PDCD11: variants seen among roughly 807,000 people sequenced by gnomAD.
The protein encoded by PDCD11 is programmed cell death 11.
In PDCD11, 97 loss-of-function variants were observed where a neutral mutation model predicts 198.9. The ratio of observed to expected loss-of-function variants is 0.49; its 90% CI spans 0.41 to 0.58. The LOEUF is 0.58. Ranked by LOEUF, PDCD11 falls within the 20% of genes least tolerant of loss-of-function variation. The pLI is 0.00. For synonymous variants in PDCD11, 893 were observed against 918.0 expected, an observed-to-expected ratio of 0.97 and a Z score of 0.49; for missense variants, 2,102 against 2,312.7, an observed-to-expected ratio of 0.91 and a Z score of 1.87.
intron 27 of PDCD11, 24 bp downstream of exon 27, chr10:103,438,832 C>T (rs778049631): frequency 6.8e-6 from 11 of 1,612,614 alleles, no homozygotes; most frequent in South Asian, 3.3e-5. Context: ...GCTCTGCACC[C>T]GGACCCAAGT....
chr10:103,439,668 G>C (rs1309736297), intron 27 of PDCD11, 78 bp from the exon 28 acceptor site: 2 of 1,550,258 alleles, frequency 1.3e-6, no homozygotes, highest in Non-Finnish European at 1.8e-6. Flanking sequence ...GAGTCCCTGT[G>C]AGAGTGAAGT....
chr10:103,442,303 C>T lies in PDCD11; in HGVS notation c.4798C>T (p.Arg1600Trp), dbSNP rs746811823. 13 of 1,614,084 alleles carry T rather than the reference C, an allele frequency of 8.1e-6. No individual in the cohort carries two copies. The Admixed American group carries it at 1.0e-4, about 12-fold the overall frequency. ...TGAGGAGGCGCTGATGGATCCTGGGCGGCAGCCAGAGTCCGCGGATGATTT... is the reference window on the plus strand; with the variant it reads ...TGAGGAGGCGCTGATGGATCCTGGGTGGCAGCCAGAGTCCGCGGATGATTT... Reference protein sequence around the residue: ...RIEEALMDPGRQPESADDFDR... With the variant: ...RIEEALMDPGWQPESADDFDR... Residue 1600 changes from arginine to tryptophan, a missense_variant, in exon 32 of 36, where the codon CGG becomes TGG. Coordinates refer to ENST00000369797, the MANE Select transcript of PDCD11 (RefSeq NM_014976.2).
Position 103,409,772 on chromosome 10 carries a change from C to T in PDCD11, c.944C>T (p.Pro315Leu), listed in dbSNP as rs1450428563. The change falls in exon 8 of 36, where the codon CCC (proline) becomes CTC (leucine). Residue 315 changes from proline to leucine, a missense_variant. Physicochemically the swap from Pro to Leu is moderately conservative, Grantham distance 98 (BLOSUM62 -3). Transcript: ENST00000369797. The stretch of plus-strand genomic sequence containing the variant: ...GTGGTTGACTTTATGCACCTGGATC[C>T]CAAGAAAGCTGGAACATATTTCTCA... Reference protein sequence around the residue: ...TGVVDFMHLDPKKAGTYFSNQ... With the variant: ...TGVVDFMHLDLKKAGTYFSNQ... 6.2e-7 allele frequency: 1 copy of T among 1,613,910 alleles called. No homozygotes were observed. Among genetic ancestry groups the T allele is most frequent in the African/African-American group, 1.3e-5 (1 of 75,024 alleles).
chr10:103,416,584 G>T lies in PDCD11; in HGVS notation c.1612G>T (p.Asp538Tyr). ...ACTACCTGTCATTACCTGCTATGCCGATGCCAAGCCTGGTCTGCAGACACA... is the reference window on the plus strand; with the variant it reads ...ACTACCTGTCATTACCTGCTATGCCTATGCCAAGCCTGGTCTGCAGACACA... ...SKLPVITCYA[D>Y]AKPGLQTHGF... is the part of the protein sequence containing the mutation. The change falls in exon 13 of 36, where the codon GAT (aspartate) becomes TAT (tyrosine). Residue 538 changes from aspartate (D) to tyrosine (Y), a missense_variant. Transcript: ENST00000369797. 6.2e-7 allele frequency: 1 copy of T among 1,614,168 alleles called. No individual in the cohort carries two copies. Among genetic ancestry groups the T allele is most frequent in the Non-Finnish European group, 8.5e-7 (1 of 1,180,024 alleles).
intron 24 of PDCD11, 168 bp downstream of exon 24, chr10:103,434,518 C>T (rs1564774727): frequency 3.3e-6 from 2 of 608,648 alleles, no homozygotes; most frequent in East Asian, 5.5e-5. Flanking sequence ...TGCTCTGGCC[C>T]AGTTACTCCA....
rs761022665 is a variant in PDCD11 at position 103,440,549 on chromosome 10, G to A, written c.4408G>A (p.Gly1470Arg). Residue 1470 changes from glycine to arginine, a missense_variant, in exon 29 of 36, where the codon GGG becomes AGG. Gly to Arg is a moderately radical substitution (Grantham distance 125, BLOSUM62 -2). Coordinates refer to ENST00000369797, the MANE Select transcript of PDCD11 (RefSeq NM_014976.2). ...GAAGCCACAGGCGCAGAAGCGGGGC[G>A]GGCGGGAGTGCCGGGAGTCTGGGAG... ...PQKPQAQKRG[G>R]RECRESGSEQ... The A allele has an allele frequency of 2.5e-6, 4 of 1,612,270 alleles. No homozygotes were observed. Among genetic ancestry groups the A allele is most frequent in the South Asian group, 2.2e-5 (2 of 91,018 alleles).
At chr10:103,429,750 T>C (rs1284937058) in intron 21 of PDCD11, among the ~76,000 whole-genome samples, 1 of 152,176 alleles carries the variant, frequency 6.6e-6, no homozygotes, top group Non-Finnish European at 1.5e-5. Flanking sequence ...TCTAGAAGTT[T>C]TTTGTCTTGC....
chr10:103,424,975 C>T lies in PDCD11; in HGVS notation c.2764-9C>T. ...GGAAAGCAGGGATGGTGGCTTTTCT[C>T]TCTTCTAGCTGAGGAAAGGCAGCGA... On this transcript the variant is annotated splice_polypyrimidine_tract_variant and intron_variant, in intron 19 of 35. Coordinates refer to ENST00000369797, the MANE Select transcript of PDCD11 (RefSeq NM_014976.2). 6.2e-7 allele frequency: 1 copy of T among 1,612,950 alleles called. No individual in the cohort carries two copies. The highest frequency in any genetic ancestry group is 8.5e-7 in the Non-Finnish European group (1 of 1,179,142).
chr10:103,412,819 A>C, intron 8 of PDCD11, among the ~76,000 whole-genome samples: 1 of 152,120 alleles, frequency 6.6e-6, no homozygotes, highest in Non-Finnish European at 1.5e-5. Context: ...GCTGGTCTCT[A>C]ACTCCTGAGC....
intron 25 of PDCD11, among the ~76,000 whole-genome samples, chr10:103,435,938 G>A (rs2032135268): frequency 6.6e-6 from 1 of 151,956 alleles, no homozygotes; most frequent in African/African-American, 2.4e-5. Context: ...CAGTAAATAT[G>A]ACTGTCCATT....
chr10:103,440,640 G>A, intron 29 of PDCD11, 59 bp downstream of exon 29: 1 of 1,611,142 alleles, frequency 6.2e-7, no homozygotes, highest in Non-Finnish European at 8.5e-7. Flanking sequence ...CAGCCATGAG[G>A]GCGTGGGGAC....
At chr10:103,423,717 C>A in intron 19 of PDCD11, 59 bp downstream of exon 19, 1 of 1,145,500 alleles carries the variant, frequency 8.7e-7, no homozygotes, top group Non-Finnish European at 1.3e-6. Flanking sequence ...TTCAACCCCA[C>A]TCCAGTTCAG....
chr10:103,418,382 A>G, intron 14 of PDCD11, 58 bp from the exon 15 acceptor site: 3 of 1,406,536 alleles, frequency 2.1e-6, no homozygotes, highest in Non-Finnish European at 3.0e-6. Flanking sequence ...CCTAATCCAG[A>G]CCAGGTTGTT....
intron 7 of PDCD11, among the ~76,000 whole-genome samples, chr10:103,409,174 A>G (rs1248627971): frequency 6.6e-6 from 1 of 152,180 alleles, no homozygotes; most frequent in Non-Finnish European, 1.5e-5. Context: ...CCGGGAAGGT[A>G]AGAGAGAGGT....
chr10:103,399,089 A>G (rs2093451285), intron 2 of PDCD11, among the ~76,000 whole-genome samples: 1 of 151,656 alleles, frequency 6.6e-6, no homozygotes, highest in South Asian at 2.1e-4. Flanking sequence ...CATGTTGATT[A>G]AGGATGGAGA....
chr10:103,433,075 AT>A (rs1460326566), intron 22 of PDCD11, among the ~76,000 whole-genome samples: 1 of 152,148 alleles, frequency 6.6e-6, no homozygotes, highest in Non-Finnish European at 1.5e-5. Flanking sequence ...TTGCACACTG[AT>A]TTGACTTACT....
At position 103,420,657 on chromosome 10, in the gene PDCD11, C is replaced by T. The variant is rs565857012; in HGVS notation, c.2278-691C>T. On this transcript the variant is annotated intron_variant, in intron 16 of 35. Coordinates refer to ENST00000369797, the MANE Select transcript of PDCD11 (RefSeq NM_014976.2). ...TAGGCCTGTCTCCCTGGTGTTTTGC[C>T]TGGGAAAATCTCATTTGCATCCCCT... 2.4e-4 allele frequency among the ~76,000 whole-genome samples: 36 copies of T among 151,956 alleles called. No homozygotes were observed. The South Asian group carries it at 7.5e-3, about 32-fold the overall frequency.
intron 21 of PDCD11, among the ~76,000 whole-genome samples, chr10:103,431,786 A>C (rs748520910): frequency 1.2e-4 from 18 of 152,314 alleles, no homozygotes; most frequent in African/African-American, 4.3e-4. Context: ...ACAGTTGTCA[A>C]ATTCAGTGAG....
In PDCD11 at chr10:103,406,761, G is replaced by A; in HGVS notation, c.841G>A (p.Gly281Arg). 5 of 1,614,086 alleles carry A rather than the reference G, an allele frequency of 3.1e-6. No homozygotes were observed. The highest frequency in any genetic ancestry group is 4.2e-6 in the Non-Finnish European group (5 of 1,179,972). ...QSWNLNNLLP[G>R]LVVKAQVQKV... ...CTGGAACCTTAATAACTTGCTACCAGGACTGGTGGTCAAAGCTCAGGTACA... is the reference window on the plus strand; with the variant it reads ...CTGGAACCTTAATAACTTGCTACCAAGACTGGTGGTCAAAGCTCAGGTACA... Residue 281 changes from glycine to arginine, a missense_variant, in exon 7 of 36, where the codon GGA becomes AGA. By Grantham distance (125) the Gly-to-Arg change is moderately radical. Transcript: ENST00000369797.
Sources: gnomAD v4.1 joint callset for allele counts (sites outside exome capture counted in the v4.1 genomes callset) on GRCh38, gnomAD v4.1.1 for gene constraint, MANE v1.5 for transcripts, NCBI Gene and HGNC (gene_info 2026-07-23, HGNC 2026-07-21) for gene names.